The following RBM27 variants were observed in gnomAD, a reference collection of about 807,000 sequenced individuals.
RBM27 encodes RNA binding motif protein 27.
In RBM27, 22 loss-of-function variants were observed where a neutral mutation model predicts 135.3. The observed-to-expected ratio is 0.16, with a 90% confidence interval of 0.12 to 0.23. RBM27 has a LOEUF of 0.23. RBM27 is among the 10% of genes least tolerant of loss of function. The pLI, the probability that RBM27 is intolerant of heterozygous loss-of-function variation, is 1.00. For synonymous variants in RBM27, 481 were observed against 442.4 expected, an observed-to-expected ratio of 1.09 and a Z score of -1.10; for missense variants, 1,009 against 1,281.0, an observed-to-expected ratio of 0.79 and a Z score of 3.24.
intron 1 of RBM27, among the ~76,000 whole-genome samples, chr5:146,208,509 A>G (rs1280563941): frequency 6.6e-6 from 1 of 151,862 alleles, no homozygotes; most frequent in Non-Finnish European, 1.5e-5. Flanking sequence ...ATCTCAGTCG[A>G]GAAGTTTGTC....
chr5:146,271,400 C>G, intron 18 of RBM27, 83 bp from the exon 19 acceptor site: 1 of 1,014,982 alleles, frequency 9.9e-7, no homozygotes. Context: ...AATTCCATCT[C>G]AAAAAAAAAA....
At chr5:146,228,282 CTTTTTTTTTTTT>C (rs1043361050) in intron 3 of RBM27, among the ~76,000 whole-genome samples, 1 of 111,858 alleles carries the variant, frequency 8.9e-6, no homozygotes, top group Non-Finnish European at 1.7e-5. Context: ...ACCATTCTTT[CTTTTTTTTTTTT>C]TTTTTTTTGA....
chr5:146,229,628 A>G, intron 4 of RBM27, 89 bp from the exon 5 acceptor site: 1 of 1,084,732 alleles, frequency 9.2e-7, no homozygotes, highest in Non-Finnish European at 1.3e-6. Context: ...ATGCATTTGG[A>G]TGACTCAAGA....
chr5:146,228,819 C>T (rs1193146610), intron 3 of RBM27, 127 bp from the exon 4 acceptor site: 20 of 614,710 alleles, frequency 3.3e-5, no homozygotes, highest in Non-Finnish European at 5.8e-5. Context: ...CCCTGTGTTT[C>T]CCAGGCTGGT....
intron 10 of RBM27, among the ~76,000 whole-genome samples, chr5:146,255,676 G>A (rs912843540): frequency 6.6e-6 from 1 of 152,024 alleles, no homozygotes; most frequent in African/African-American, 2.4e-5. Flanking sequence ...CACTAAAAAG[G>A]TTGGTTAATG....
At chr5:146,238,354 C>T (rs548422529) in intron 8 of RBM27, among the ~76,000 whole-genome samples, 1 of 152,156 alleles carries the variant, frequency 6.6e-6, no homozygotes, top group African/African-American at 2.4e-5. Context: ...ACTAAAAATG[C>T]AAAATTAGCT....
intron 8 of RBM27, among the ~76,000 whole-genome samples, chr5:146,243,274 TAAATA>T (rs540774986): frequency 3.4e-4 from 51 of 152,188 alleles, no homozygotes; most frequent in African/African-American, 8.7e-4. Flanking sequence ...CTCAAAAAAA[TAAATA>T]AAATAAAGTA....
chr5:146,228,922 C>T (rs765201471), intron 3 of RBM27, 24 bp from the exon 4 acceptor site: 3 of 1,603,458 alleles, frequency 1.9e-6, no homozygotes, highest in South Asian at 1.1e-5. Flanking sequence ...CCTGCTCTTA[C>T]TTCTACTCAA....
chr5:146,272,998 A>G (rs1195737722), intron 19 of RBM27, among the ~76,000 whole-genome samples: 1 of 152,160 alleles, frequency 6.6e-6, no homozygotes, highest in Non-Finnish European at 1.5e-5. Flanking sequence ...AGATGGAGGA[A>G]CACTATACAA....
intron 14 of RBM27, among the ~76,000 whole-genome samples, chr5:146,267,211 A>G (rs919249282): frequency 3.3e-5 from 5 of 152,372 alleles, no homozygotes; most frequent in South Asian, 2.1e-4. Flanking sequence ...AAATTCTATG[A>G]TAGGATATCT....
rs890825122 is a variant in RBM27 at position 146,220,481 on chromosome 5, A to C, written c.178+1378A>C. ...CTGAGCGAGAGTCCATCTCAAAAAA[A>C]AAAAAAAAATATATATATATATATA... On this transcript the variant is annotated intron_variant, in intron 2 of 20. Coordinates refer to ENST00000265271, the MANE Select transcript of RBM27 (RefSeq NM_018989.2). Among the ~76,000 whole-genome samples the C allele has an allele frequency of 2.1e-5, 3 of 139,694 alleles. No individual in the cohort carries two copies. The Admixed American group carries it at 2.3e-4, about 11-fold the overall frequency. The allele number at this position is 139,694 out of a possible 152,430, so 91.6% of individuals were successfully genotyped here. A position where few individuals can be genotyped will look rare whatever the true frequency, so the allele number is the denominator to read the frequency against.
chr5:146,247,239 C>T (rs910052987), intron 8 of RBM27, among the ~76,000 whole-genome samples: 2 of 151,990 alleles, frequency 1.3e-5, no homozygotes, highest in African/African-American at 4.8e-5. Context: ...TAGAATAAGT[C>T]CCAAATATAG....
At chr5:146,271,461 T>G (rs376463185) in intron 18 of RBM27, 22 bp from the exon 19 acceptor site, 1 of 1,579,612 alleles carries the variant, frequency 6.3e-7, no homozygotes, top group Non-Finnish European at 8.7e-7. Flanking sequence ...TATGCTACAT[T>G]CTACTTTTTG....
At chr5:146,262,704 C>T (rs1481612345) in intron 13 of RBM27, among the ~76,000 whole-genome samples, 1 of 152,188 alleles carries the variant, frequency 6.6e-6, no homozygotes, top group Middle Eastern at 3.2e-3. Flanking sequence ...AAGGTGAATG[C>T]TTCCCCTAGA....
chr5:146,218,551 G>A (rs1756312580), intron 1 of RBM27, among the ~76,000 whole-genome samples: 1 of 152,172 alleles, frequency 6.6e-6, no homozygotes, highest in South Asian at 2.1e-4. Flanking sequence ...CTAGGGAGAG[G>A]TGTCTTGAGG....
At chr5:146,217,242 C>T (rs1260631491) in intron 1 of RBM27, among the ~76,000 whole-genome samples, 1 of 152,074 alleles carries the variant, frequency 6.6e-6, no homozygotes, top group Non-Finnish European at 1.5e-5. Context: ...GCTAGGATTA[C>T]AGATGTGAGC....
chr5:146,206,349 GCTT>G (rs1164720351), intron 1 of RBM27, among the ~76,000 whole-genome samples: 1 of 136,942 alleles, frequency 7.3e-6, no homozygotes, highest in African/African-American at 2.7e-5. Flanking sequence ...CTGGGTGGGA[GCTT>G]CTTCTTGCTT....
At chr5:146,220,092 A>G (rs1306547229) in intron 2 of RBM27, among the ~76,000 whole-genome samples, 2 of 152,048 alleles carry the variant, frequency 1.3e-5, no homozygotes, top group Non-Finnish European at 2.9e-5. Context: ...TTGCCTGGTT[A>G]TCTGTCTCTC....
At chr5:146,247,149 C>T (rs1418541269) in intron 8 of RBM27, among the ~76,000 whole-genome samples, 3 of 152,090 alleles carry the variant, frequency 2.0e-5, no homozygotes, top group African/African-American at 7.2e-5. Context: ...CAGATGTGAG[C>T]CATCACACCT....
Sources: gnomAD v4.1 joint callset for allele counts (sites outside exome capture counted in the v4.1 genomes callset) on GRCh38, gnomAD v4.1.1 for gene constraint, MANE v1.5 for transcripts, NCBI Gene and HGNC (gene_info 2026-07-23, HGNC 2026-07-21) for gene names.